Variants in CUX1 observed in about 807,000 individuals in gnomAD.
The protein encoded by CUX1 is protein CASP.
Under a neutral mutation model 158.8 loss-of-function variants are expected in CUX1, and 31 were observed. The observed-to-expected ratio is 0.20, with a 90% CI of 0.15 to 0.26. The LOEUF (loss-of-function observed/expected upper bound fraction) is 0.26. Ranked by LOEUF, CUX1 falls within the 10% of genes least tolerant of loss-of-function variation. The pLI is 1.00. For synonymous variants in CUX1, 879 were observed against 862.1 expected, an observed-to-expected ratio of 1.02 and a Z score of -0.34; for missense variants, 1,589 against 2,014.6, an observed-to-expected ratio of 0.79 and a Z score of 4.04.
chr7:102,184,340 C>T (rs1398193230), intron 11 of CUX1, among the ~76,000 whole-genome samples: 2 of 152,250 alleles, frequency 1.3e-5, no homozygotes, highest in Non-Finnish European at 2.9e-5. Context: ...CAGGACCCAG[C>T]TGGGGAGCAC....
intron 5 of CUX1, among the ~76,000 whole-genome samples, chr7:102,103,365 G>C (rs1337216202): frequency 3.3e-5 from 5 of 152,238 alleles, no homozygotes; most frequent in Middle Eastern, 3.4e-3. Context: ...AGGCCTGCTT[G>C]CTTGCTTCCT....
At chr7:101,948,892 GC>G (rs1808708921) in intron 2 of CUX1, among the ~76,000 whole-genome samples, 1 of 152,210 alleles carries the variant, frequency 6.6e-6, no homozygotes, top group South Asian at 2.1e-4. Context: ...AGGCCACTGT[GC>G]CCCTGCAAGT....
chr7:101,967,429 TTGGA>T (rs1811370779), intron 2 of CUX1, among the ~76,000 whole-genome samples: 1 of 152,210 alleles, frequency 6.6e-6, no homozygotes, highest in Non-Finnish European at 1.5e-5. Context: ...CGCGGACAAT[TTGGA>T]TTCCTTCTCC....
intron 18 of CUX1, among the ~76,000 whole-genome samples, chr7:102,278,657 A>AATAAAATAAAATAATAAAATAT (rs781848717): frequency 1.0e-4 from 10 of 99,110 alleles, no homozygotes; most frequent in Middle Eastern, 5.5e-3. Context: ...AATAAAATAA[A>AATAAAATAAAATAATAAAATAT]AAAATAAAAT....
intron 9 of CUX1, among the ~76,000 whole-genome samples, chr7:102,162,611 C>T (rs1156906209): frequency 4.6e-5 from 7 of 152,216 alleles, no homozygotes; most frequent in African/African-American, 1.4e-4. Flanking sequence ...AACTCCTGGG[C>T]TCAAGCGATC....
chr7:101,868,654 T>C (rs1181460587), intron 1 of CUX1, among the ~76,000 whole-genome samples: 1 of 152,204 alleles, frequency 6.6e-6, no homozygotes, highest in African/African-American at 2.4e-5. Context: ...TGGGTGGGGT[T>C]ACTGAAGCAG....
rs940887170 is a variant in CUX1, at chr7:101,940,423, C to T, written c.141+24198C>T. Among the ~76,000 whole-genome samples, 15 of 151,956 alleles carry T rather than the reference C, an allele frequency of 9.9e-5. No individual in the cohort carries two copies. In the East Asian group the frequency reaches 2.1e-3, roughly 22 times the overall value. ...GATGGAGGGTAGGCTGTGGTGCCTG[C>T]GGGCGCGCACAGGTGAGATGGAAGG... On this transcript the variant is annotated intron_variant, in intron 2 of 23. Transcript: ENST00000292535.
intron 9 of CUX1, among the ~76,000 whole-genome samples, chr7:102,166,862 G>A (rs1018093631): frequency 2.0e-5 from 3 of 152,098 alleles, no homozygotes; most frequent in Non-Finnish European, 1.5e-5. Flanking sequence ...TGAAAGTAAC[G>A]AAGGCAAGCC....
At chr7:102,065,278 C>T (rs974490349) in intron 3 of CUX1, among the ~76,000 whole-genome samples, 2 of 152,162 alleles carry the variant, frequency 1.3e-5, no homozygotes. Flanking sequence ...TAGGGTCTCA[C>T]TATGCTGCCC....
chr7:101,844,896 G>A (rs1358600782), intron 1 of CUX1, among the ~76,000 whole-genome samples: 3 of 152,114 alleles, frequency 2.0e-5, no homozygotes, highest in African/African-American at 2.4e-5. Flanking sequence ...GATTACAGGC[G>A]TGAGCCACTG....
chr7:102,041,886 G>A (rs1258645759), intron 3 of CUX1, among the ~76,000 whole-genome samples: 1 of 151,978 alleles, frequency 6.6e-6, no homozygotes, highest in Non-Finnish European at 1.5e-5. Context: ...CCAGGCTGGT[G>A]TCAAACTCCT....
chr7:102,221,737 T>TAAA (rs60706791), intron 20 of CUX1, among the ~76,000 whole-genome samples: 2,961 of 133,888 alleles, frequency 0.022, 124 homozygotes, highest in African/African-American at 0.082. Context: ...CAGTGCCTTG[T>TAAA]AAAAAAAAAA....
Position 102,041,256 on chromosome 7 carries a change from C to CTTTTT in CUX1, c.189+13134_189+13138dup, listed in dbSNP as rs11427183. ...GGGAGATTGTCACCTCTTATCCATT[C>CTTTTT]TTTTTTTTTTTTTTTTTTTTTTTTT... On this transcript the variant is annotated intron_variant, in intron 3 of 23. Transcript: ENST00000292535. 1.1e-3 allele frequency among the ~76,000 whole-genome samples: 80 copies of CTTTTT among 69,914 alleles called. 14 individuals carry two copies. Among genetic ancestry groups the CTTTTT allele is most frequent in the South Asian group, 1.5e-3 (2 of 1,370 alleles). The allele number at this position is 69,914 out of a possible 152,430, so 45.9% of individuals were successfully genotyped here. A position where few individuals can be genotyped will look rare whatever the true frequency, so the allele number is the denominator to read the frequency against.
intron 13 of CUX1, among the ~76,000 whole-genome samples, chr7:102,194,547 C>T (rs1554517783): frequency 1.3e-5 from 2 of 151,848 alleles, no homozygotes; most frequent in African/African-American, 4.8e-5. Flanking sequence ...CTATAGTGAG[C>T]TATGATCGCA....
In CUX1 at chr7:102,256,134, G is replaced by C. The variant is rs1232743510; in HGVS notation, c.*7092G>C. The C allele has an allele frequency of 1.3e-5, 13 of 985,310 alleles. No individual in the cohort carries two copies. In the African/African-American group the frequency reaches 2.3e-4, roughly 17 times the overall value. The allele number at this position is 985,310 out of a possible 1,614,324, so 61.0% of individuals were successfully genotyped here. ...GTGCAGGGCCCGCGGGCTCTGGCCGGAGCCGCTGGCCTGACGAGGCAGGAT... is the reference window on the plus strand; with the variant it reads ...GTGCAGGGCCCGCGGGCTCTGGCCGCAGCCGCTGGCCTGACGAGGCAGGAT... On this transcript the variant is annotated 3_prime_UTR_variant, in exon 24 of 24. Transcript: ENST00000292535.
chr7:101,958,360 G>A (rs957434588), intron 2 of CUX1, among the ~76,000 whole-genome samples: 6 of 100,962 alleles, frequency 5.9e-5, no homozygotes, highest in African/African-American at 2.0e-4. Context: ...ATGTGGGCCC[G>A]GCCTGAAGCT....
chr7:101,992,943 GGGGGCCCTGGT>G (rs1563102909), intron 2 of CUX1, among the ~76,000 whole-genome samples: 8 of 152,308 alleles, frequency 5.3e-5, no homozygotes, highest in African/African-American at 1.9e-4. Context: ...GCCACCCCGA[GGGGGCCCTGGT>G]CATTCTGCTG....
chr7:102,136,922 T>C (rs1214398361), intron 8 of CUX1, among the ~76,000 whole-genome samples: 1 of 152,168 alleles, frequency 6.6e-6, no homozygotes, highest in Non-Finnish European at 1.5e-5. Flanking sequence ...ATTACTGGTG[T>C]AGGGGAGTTT....
intron 23 of CUX1, among the ~76,000 whole-genome samples, chr7:102,245,071 C>G (rs1230788216): frequency 6.6e-6 from 1 of 152,170 alleles, no homozygotes; most frequent in Non-Finnish European, 1.5e-5. Flanking sequence ...GAGAAAGGGT[C>G]TCGCTCTGTC....
Sources: allele counts gnomAD v4.1 joint callset (sites outside exome capture counted in the v4.1 genomes callset), GRCh38; gene constraint gnomAD v4.1.1; transcripts MANE v1.5; gene names NCBI Gene and HGNC (gene_info 2026-07-23, HGNC 2026-07-21).